The following MPDZ variants were observed in gnomAD, a reference collection of about 807,000 sequenced individuals.
MPDZ encodes the protein multiple PDZ domain protein.
Under a neutral mutation model 239.1 loss-of-function variants are expected in MPDZ, and 234 were observed. The observed-to-expected ratio is 0.98, with a 90% confidence interval of 0.88 to 1.09. The LOEUF is 1.09. MPDZ is among the 50% of genes least tolerant of loss of function. The pLI is 0.00. For synonymous variants in MPDZ, 1,048 were observed against 881.3 expected (o/e 1.19, Z -3.35); for missense variants, 3,175 against 2,510.0 (o/e 1.26, Z -5.66).
intron 3 of MPDZ, among the ~76,000 whole-genome samples, chr9:13,234,817 A>AT (rs35641617): frequency 6.6e-6 from 1 of 151,212 alleles, no homozygotes. Context: ...GAAATGCAGA[A>AT]TTTTTTTTTT....
intron 21 of MPDZ, among the ~76,000 whole-genome samples, chr9:13,173,643 T>C (rs1412042149): frequency 6.6e-6 from 1 of 151,296 alleles, no homozygotes; most frequent in Non-Finnish European, 1.5e-5. Flanking sequence ...AGACGGAAGT[T>C]GCAGTTAGCC....
chr9:13,206,024 G>A lies in MPDZ; in HGVS notation c.1366C>T (p.Leu456Phe), dbSNP rs767260604. 10 of 1,612,480 alleles carry A rather than the reference G, an allele frequency of 6.2e-6. No homozygotes were observed. The South Asian group carries it at 1.1e-4, about 18-fold the overall frequency. The change falls in exon 11 of 47, where the codon CTC (leucine) becomes TTC (phenylalanine). Residue 456 changes from leucine (L) to phenylalanine (F), a missense_variant. Physicochemically the swap from Leu to Phe is conservative, Grantham distance 22. Transcript: ENST00000319217. ...EVLRHTGQTV[L>F]LTLMRRGMKQ... is the part of the protein sequence containing the mutation. ...ATTCCTCTCCTCATTAGTGTCAGGA[G>A]CACAGTTTGTCCTGTATGTCGCAAT...
At chr9:13,129,031 T>C (rs1945531774) in intron 32 of MPDZ, among the ~76,000 whole-genome samples, 1 of 152,202 alleles carries the variant, frequency 6.6e-6, no homozygotes, top group Non-Finnish European at 1.5e-5. Flanking sequence ...TTAGTTCATT[T>C]TTTTCTGTTA....
At chr9:13,160,616 C>T (rs73649153) in intron 23 of MPDZ, among the ~76,000 whole-genome samples, 1 of 151,486 alleles carries the variant, frequency 6.6e-6, no homozygotes, top group African/African-American at 2.4e-5. Flanking sequence ...GAAACTATAA[C>T]CAACTCATGC....
intron 29 of MPDZ, among the ~76,000 whole-genome samples, chr9:13,137,552 C>G (rs1389479249): frequency 1.3e-5 from 2 of 152,114 alleles, no homozygotes; most frequent in Non-Finnish European, 2.9e-5. Context: ...AACCTTGACC[C>G]CACCCCACCT....
rs1963421811 is a variant in MPDZ at position 13,234,509 on chromosome 9, T to G, written c.184-9926A>C. On this transcript the variant is annotated intron_variant, in intron 3 of 46. Transcript: ENST00000319217. ...AGATTATCAAAATCTGTTTTATGAT[T>G]CTGTTATTTTGACTTATTCTCAATA... 3.3e-5 allele frequency among the ~76,000 whole-genome samples: 5 copies of G among 152,148 alleles called. 1 individual carries two copies. The South Asian group carries it at 1.0e-3, about 32-fold the overall frequency.
chr9:13,242,335 C>T (rs1276567868), intron 3 of MPDZ, among the ~76,000 whole-genome samples: 1 of 143,556 alleles, frequency 7.0e-6, no homozygotes. Context: ...AAGCAATTCT[C>T]GTGCCTCAGC....
chr9:13,107,561 C>G (rs188129359), intron 46 of MPDZ, among the ~76,000 whole-genome samples: 2 of 152,244 alleles, frequency 1.3e-5, no homozygotes, highest in East Asian at 3.9e-4. Flanking sequence ...ATCCAAAGGT[C>G]TGCAAAAGCA....
At chr9:13,194,254 C>CATTATTGTAT (rs1955340821) in intron 13 of MPDZ, among the ~76,000 whole-genome samples, 2 of 152,066 alleles carry the variant, frequency 1.3e-5, no homozygotes, top group Non-Finnish European at 2.9e-5. Flanking sequence ...TATACTTCCG[C>CATTATTGTAT]ACTTGACAGA....
At chr9:13,168,133 G>A (rs988349489) in intron 22 of MPDZ, among the ~76,000 whole-genome samples, 3 of 152,022 alleles carry the variant, frequency 2.0e-5, no homozygotes, top group Non-Finnish European at 4.4e-5. Context: ...CACTGGAGAA[G>A]TATAATTAAA....
intron 35 of MPDZ, among the ~76,000 whole-genome samples, chr9:13,124,027 C>T (rs978100991): frequency 1.1e-4 from 17 of 152,124 alleles, no homozygotes; most frequent in Admixed American, 6.5e-5. Flanking sequence ...ATATGTTTTA[C>T]GATACAACAA....
chr9:13,221,796 A>G (rs1420648712), intron 6 of MPDZ, among the ~76,000 whole-genome samples: 7 of 152,000 alleles, frequency 4.6e-5, no homozygotes, highest in Non-Finnish European at 1.0e-4. Flanking sequence ...AAAAAAAAGA[A>G]AAAGTTCAAA....
intron 19 of MPDZ, among the ~76,000 whole-genome samples, chr9:13,180,956 G>C (rs1321464246): frequency 6.6e-6 from 1 of 152,130 alleles, no homozygotes; most frequent in Non-Finnish European, 1.5e-5. Flanking sequence ...TTGGTGTTTA[G>C]GCTGCCCTGA....
At chr9:13,226,826 G>A (rs1448462916) in intron 3 of MPDZ, among the ~76,000 whole-genome samples, 2 of 151,906 alleles carry the variant, frequency 1.3e-5, no homozygotes, top group Non-Finnish European at 2.9e-5. Flanking sequence ...CTTATACAGA[G>A]TTGTTCAACA....
intron 32 of MPDZ, among the ~76,000 whole-genome samples, chr9:13,131,903 G>C (rs1946053099): frequency 6.6e-6 from 1 of 152,150 alleles, no homozygotes; most frequent in Non-Finnish European, 1.5e-5. Flanking sequence ...GCCCAGAGAA[G>C]TTAAGTGACT....
At chr9:13,198,989 C>T (rs968793059) in intron 12 of MPDZ, among the ~76,000 whole-genome samples, 9 of 150,326 alleles carry the variant, frequency 6.0e-5, no homozygotes, top group African/African-American at 2.0e-4. Context: ...TTTGGTAGTA[C>T]GGATATTGTA....
At chr9:13,150,276 C>T (rs1386491046) in intron 25 of MPDZ, among the ~76,000 whole-genome samples, 2 of 151,574 alleles carry the variant, frequency 1.3e-5, no homozygotes, top group East Asian at 1.9e-4. Flanking sequence ...GAGAAAATTA[C>T]GTATGAAAAT....
rs578250939 is a variant in MPDZ at position 13,167,641 on chromosome 9, T to A, written c.3254+725A>T. ...ATTTTATGATGTTATCCCTCATACA[T>A]TAAAAACAAATATTCAATGATTAAT... On this transcript the variant is annotated intron_variant, in intron 22 of 46. Transcript: ENST00000319217. Among the ~76,000 whole-genome samples, 3 of 152,226 alleles carry A rather than the reference T, an allele frequency of 2.0e-5. No individual in the cohort carries two copies. In the South Asian group the frequency reaches 6.2e-4, roughly 32 times the overall value.
intron 25 of MPDZ, 78 bp from the exon 26 acceptor site, chr9:13,147,736 G>A: frequency 9.4e-7 from 1 of 1,068,570 alleles, no homozygotes; most frequent in Non-Finnish European, 1.4e-6. Context: ...GAGTTTTAGG[G>A]ATACTTGGTT....
Sources: allele counts gnomAD v4.1 joint callset (sites outside exome capture counted in the v4.1 genomes callset), GRCh38; gene constraint gnomAD v4.1.1; transcripts MANE v1.5; gene names NCBI Gene and HGNC (gene_info 2026-07-23, HGNC 2026-07-21).